The following CAMTA1 variants were observed in gnomAD, a reference collection of about 807,000 sequenced individuals.
The protein encoded by CAMTA1 is calmodulin-binding transcription activator 1.
Under a neutral mutation model 170.9 loss-of-function variants are expected in CAMTA1, and 27 were observed. That is an observed-to-expected ratio of 0.16 (90% CI 0.12 to 0.22). The LOEUF is 0.22. Among genes scored for constraint, CAMTA1 ranks in the 10% least tolerant of loss-of-function variants. The pLI is 1.00. For synonymous variants in CAMTA1, 833 were observed against 891.5 expected (o/e 0.93, Z 1.17); for missense variants, 1,619 against 2,217.2 (o/e 0.73, Z 5.42).
chr1:7,047,718 TCTC>T lies in CAMTA1; in HGVS notation c.235-43585_235-43583del, dbSNP rs144704908. On this transcript the variant is annotated intron_variant, in intron 3 of 22. Transcript: ENST00000303635. ...GGCTTTGGCTTTCTCTCTCTCTCTC[TCTC>T]TTTTTTTTTTTTTTTTGGAGGTTAC... 1.5e-3 allele frequency among the ~76,000 whole-genome samples: 215 copies of T among 141,942 alleles called. 1 individual carries two copies. The highest frequency in any genetic ancestry group is 1.8e-3 in the African/African-American group (61 of 33,784). The allele number at this position is 141,942 out of a possible 152,430, so 93.1% of individuals were successfully genotyped here.
intron 3 of CAMTA1, among the ~76,000 whole-genome samples, chr1:6,990,805 CTATATA>C (rs138700231): frequency 7.1e-6 from 1 of 141,584 alleles, no homozygotes; most frequent in African/African-American, 2.6e-5. Flanking sequence ...CTCTCTCTCT[CTATATA>C]TATATATATT....
At chr1:7,073,350 A>T (rs1041915297) in intron 3 of CAMTA1, among the ~76,000 whole-genome samples, 1 of 152,160 alleles carries the variant, frequency 6.6e-6, no homozygotes. Flanking sequence ...AGGCAGCTGG[A>T]TATAGGAGCC....
intron 5 of CAMTA1, among the ~76,000 whole-genome samples, chr1:7,306,183 C>G (rs748826501): frequency 6.6e-6 from 1 of 151,966 alleles, no homozygotes; most frequent in African/African-American, 2.4e-5. Flanking sequence ...TTATGTCTAG[C>G]AAATATTTGC....
chr1:7,530,070 G>A (rs780137382), intron 6 of CAMTA1, among the ~76,000 whole-genome samples: 35 of 152,132 alleles, frequency 2.3e-4, no homozygotes, highest in African/African-American at 7.0e-4. Flanking sequence ...GGGAGGGCTC[G>A]TCAGCTCCAC....
intron 5 of CAMTA1, among the ~76,000 whole-genome samples, chr1:7,294,956 G>A (rs1428917906): frequency 6.6e-6 from 1 of 152,172 alleles, no homozygotes; most frequent in Non-Finnish European, 1.5e-5. Flanking sequence ...CTCCAAGATC[G>A]TTCTGATGTG....
At chr1:7,339,798 T>C (rs961045175) in intron 5 of CAMTA1, among the ~76,000 whole-genome samples, 1 of 152,136 alleles carries the variant, frequency 6.6e-6, no homozygotes, top group African/African-American at 2.4e-5. Context: ...GGTTTTGTTA[T>C]GTTGGCCAGG....
intron 4 of CAMTA1, among the ~76,000 whole-genome samples, chr1:7,226,837 T>A (rs2149169858): frequency 6.6e-6 from 1 of 152,282 alleles, no homozygotes; most frequent in African/African-American, 2.4e-5. Context: ...TTTTTTATTT[T>A]TTATTTTTTT....
At chr1:7,297,570 T>C (rs112376078) in intron 5 of CAMTA1, among the ~76,000 whole-genome samples, 3 of 152,250 alleles carry the variant, frequency 2.0e-5, no homozygotes, top group African/African-American at 7.2e-5. Context: ...TGGGCAGTTC[T>C]GCCCTCAACC....
chr1:7,237,904 A>G (rs1164509393), intron 4 of CAMTA1, among the ~76,000 whole-genome samples: 1 of 152,262 alleles, frequency 6.6e-6, no homozygotes, highest in African/African-American at 2.4e-5. Context: ...TATGACAGGC[A>G]GCACACCGGG....
chr1:7,231,571 C>T (rs1046015854), intron 4 of CAMTA1, among the ~76,000 whole-genome samples: 12 of 152,048 alleles, frequency 7.9e-5, no homozygotes, highest in African/African-American at 2.9e-4. Flanking sequence ...CGGGGTTTCA[C>T]CATGTTGGTC....
At chr1:7,437,310 C>T (rs1231663760) in intron 5 of CAMTA1, among the ~76,000 whole-genome samples, 2 of 152,172 alleles carry the variant, frequency 1.3e-5, no homozygotes, top group Non-Finnish European at 2.9e-5. Context: ...ATCCATCCTG[C>T]CACCCTGGAG....
At chr1:7,285,062 GCTC>G (rs1475549135) in intron 5 of CAMTA1, among the ~76,000 whole-genome samples, 2 of 152,182 alleles carry the variant, frequency 1.3e-5, no homozygotes, top group African/African-American at 2.4e-5. Context: ...GCCCTCCAAG[GCTC>G]CTTTTGGTCC....
chr1:7,530,812 G>GTTTTTTTTTTTTTTTTTTTTTTTTTTT, intron 6 of CAMTA1, among the ~76,000 whole-genome samples: 1 of 100,792 alleles, frequency 9.9e-6, no homozygotes, highest in Non-Finnish European at 1.9e-5. Context: ...GTGAGCTCTT[G>GTTTTTTTTTTTTTTTTTTTTTTTTTTT]TTTTTTTTTT....
intron 11 of CAMTA1, among the ~76,000 whole-genome samples, chr1:7,726,077 G>C (rs2096683905): frequency 6.6e-6 from 1 of 152,266 alleles, no homozygotes; most frequent in African/African-American, 2.4e-5. Flanking sequence ...CCAGAAGTAA[G>C]ACATCATTCA....
At chr1:7,643,607 A>G (rs2095783077) in intron 7 of CAMTA1, among the ~76,000 whole-genome samples, 1 of 152,258 alleles carries the variant, frequency 6.6e-6, no homozygotes, top group South Asian at 2.1e-4. Flanking sequence ...GTCCGGAGCC[A>G]GCCTCCAATG....
chr1:7,081,586 GTGCACCCAGTTTCCAA>G (rs1415160131), intron 3 of CAMTA1, among the ~76,000 whole-genome samples: 1 of 152,170 alleles, frequency 6.6e-6, no homozygotes, highest in Non-Finnish European at 1.5e-5. Context: ...TGGTCTTACA[GTGCACCCAGTTTCCAA>G]TGCCATAAAT....
intron 5 of CAMTA1, among the ~76,000 whole-genome samples, chr1:7,275,143 T>C: frequency 2.9e-5 from 1 of 34,800 alleles, no homozygotes; most frequent in Non-Finnish European, 4.5e-5. Flanking sequence ...TGAGATTCCA[T>C]CTCAAAAAAA....
At chr1:7,539,044 G>A (rs1356252871) in intron 6 of CAMTA1, among the ~76,000 whole-genome samples, 1 of 152,196 alleles carries the variant, frequency 6.6e-6, no homozygotes, top group African/African-American at 2.4e-5. Context: ...GCCTCCAGAT[G>A]CAAACAGCCT....
Position 7,657,050 on chromosome 1 carries a change from G to A in CAMTA1, c.665-4676G>A, listed in dbSNP as rs897331858. On this transcript the variant is annotated intron_variant, in intron 7 of 22. Coordinates refer to ENST00000303635, the MANE Select transcript of CAMTA1 (RefSeq NM_015215.4). ...ATGCAGTCCCCGGCCTGTGTTTCAC[G>A]GGGCAGCCGCAGGGCTTCTCGGGTA... is the stretch of plus-strand genomic sequence containing the variant. 5.3e-5 allele frequency among the ~76,000 whole-genome samples: 8 copies of A among 152,344 alleles called. No individual in the cohort carries two copies. The South Asian group carries it at 1.0e-3, about 20-fold the overall frequency.
Sources: gnomAD v4.1 joint callset for allele counts (sites outside exome capture counted in the v4.1 genomes callset) on GRCh38, gnomAD v4.1.1 for gene constraint, MANE v1.5 for transcripts, NCBI Gene and HGNC (gene_info 2026-07-23, HGNC 2026-07-21) for gene names.